BMERB1: variants seen among roughly 807,000 people sequenced by gnomAD.
BMERB1 encodes the protein bMERB domain-containing protein 1.
A neutral mutation model predicts 23.6 loss-of-function variants in BMERB1; 12 were observed. The ratio of observed to expected loss-of-function variants is 0.51; its 90% CI spans 0.33 to 0.82. The LOEUF (loss-of-function observed/expected upper bound fraction) is 0.82. Among genes scored for constraint, BMERB1 ranks in the 40% least tolerant of loss-of-function variants. The pLI is 0.03. For synonymous variants in BMERB1, 122 were observed against 96.6 expected (o/e 1.26, Z -1.54); for missense variants, 247 against 255.4 (o/e 0.97, Z 0.22).
chr16:15,583,050 C>T, intron 4 of BMERB1, 106 bp from the exon 5 acceptor site: 1 of 831,754 alleles, frequency 1.2e-6, no homozygotes, highest in South Asian at 1.4e-5. Context: ...ATACATGCCC[C>T]ATCCACAAAG....
At chr16:15,550,525 A>C (rs1315480514) in intron 2 of BMERB1, among the ~76,000 whole-genome samples, 7 of 146,072 alleles carry the variant, frequency 4.8e-5, no homozygotes, top group Non-Finnish European at 9.0e-5. Flanking sequence ...TTAAGTAGAG[A>C]CGGGGTTTCA....
intron 1 of BMERB1, among the ~76,000 whole-genome samples, chr16:15,512,637 G>T (rs1884265367): frequency 1.3e-5 from 2 of 152,144 alleles, no homozygotes; most frequent in Non-Finnish European, 2.9e-5. Context: ...CCAGCATTAT[G>T]GGAGGCCAAG....
chr16:15,449,529 A>AT (rs957446775), intron 1 of BMERB1, among the ~76,000 whole-genome samples: 2 of 151,488 alleles, frequency 1.3e-5, no homozygotes, highest in Non-Finnish European at 2.9e-5. Flanking sequence ...TAAAAGTTGA[A>AT]TTTTTTTTCT....
chr16:15,546,201 T>A (rs1314818529), intron 2 of BMERB1, among the ~76,000 whole-genome samples: 1 of 152,186 alleles, frequency 6.6e-6, no homozygotes, highest in African/African-American at 2.4e-5. Context: ...GGCAGGAGGA[T>A]GTCTTGAGCC....
At chr16:15,529,440 AG>A (rs2150958770) in intron 2 of BMERB1, among the ~76,000 whole-genome samples, 1 of 152,266 alleles carries the variant, frequency 6.6e-6, no homozygotes, top group African/African-American at 2.4e-5. Context: ...GCATTTCTGG[AG>A]GGACACCTTC....
intron 1 of BMERB1, among the ~76,000 whole-genome samples, chr16:15,452,906 A>G (rs2051054232): frequency 6.6e-6 from 1 of 152,206 alleles, no homozygotes; most frequent in Non-Finnish European, 1.5e-5. Flanking sequence ...AAGACATTGG[A>G]GGTGCTATCA....
At chr16:15,498,852 G>T (rs1447356790) in intron 1 of BMERB1, among the ~76,000 whole-genome samples, 1 of 152,190 alleles carries the variant, frequency 6.6e-6, no homozygotes, top group African/African-American at 2.4e-5. Context: ...AGTGGGCAGA[G>T]GCCAGGGATG....
At chr16:15,533,730 G>C (rs549194142) in intron 2 of BMERB1, among the ~76,000 whole-genome samples, 1 of 152,158 alleles carries the variant, frequency 6.6e-6, no homozygotes, top group African/African-American at 2.4e-5. Context: ...AAAGAGGACA[G>C]AGCGTCTGCC....
intron 2 of BMERB1, among the ~76,000 whole-genome samples, chr16:15,559,368 A>C (rs2150969101): frequency 6.6e-6 from 1 of 152,244 alleles, no homozygotes; most frequent in East Asian, 1.9e-4. Flanking sequence ...GAAGGTCTAC[A>C]ACCAGTCATG....
At chr16:15,577,651 G>T (rs914930684) in intron 3 of BMERB1, among the ~76,000 whole-genome samples, 10 of 132,386 alleles carry the variant, frequency 7.6e-5, no homozygotes, top group Non-Finnish European at 1.2e-4. Context: ...ATGTTCCGGG[G>T]TTTTATATGT....
intron 1 of BMERB1, among the ~76,000 whole-genome samples, chr16:15,462,276 T>G (rs1469935465): frequency 6.7e-6 from 1 of 150,060 alleles, no homozygotes; most frequent in African/African-American, 2.4e-5. Context: ...CTCAGCCCCC[T>G]GAGAAGCTGG....
chr16:15,465,779 C>G (rs1452561109), intron 1 of BMERB1, among the ~76,000 whole-genome samples: 1 of 152,178 alleles, frequency 6.6e-6, no homozygotes, highest in East Asian at 1.9e-4. Flanking sequence ...ATGTATTTAT[C>G]TTTTCCACAT....
chr16:15,444,920 A>G (rs1028951660), intron 1 of BMERB1, among the ~76,000 whole-genome samples: 1 of 152,338 alleles, frequency 6.6e-6, no homozygotes, highest in African/African-American at 2.4e-5. Context: ...TTTTTGAGAC[A>G]GGGTCTTGCT....
intron 1 of BMERB1, chr16:15,502,517 TC>T: frequency 1.4e-6 from 1 of 732,270 alleles, no homozygotes; most frequent in East Asian, 2.7e-5. Context: ...ACGGGCGGCT[TC>T]CCATTACATT....
At chr16:15,516,688 A>G (rs2051763827) in intron 2 of BMERB1, among the ~76,000 whole-genome samples, 1 of 143,818 alleles carries the variant, frequency 7.0e-6, no homozygotes, top group South Asian at 2.1e-4. Context: ...ATTTTTCACA[A>G]CACCAAGAGG....
intron 1 of BMERB1, among the ~76,000 whole-genome samples, chr16:15,459,342 T>TAA (rs77131287): frequency 7.9e-5 from 11 of 138,610 alleles, no homozygotes; most frequent in African/African-American, 2.1e-4. Context: ...CAGACTGGAT[T>TAA]AAAAAAAAAA....
intron 1 of BMERB1, among the ~76,000 whole-genome samples, chr16:15,506,482 C>G (rs995355823): frequency 1.3e-5 from 2 of 152,066 alleles, no homozygotes; most frequent in Non-Finnish European, 2.9e-5. Flanking sequence ...CCCTCCTAAT[C>G]TTAAAATTTT....
At chr16:15,440,244 C>CAAAAAAAAAAAAA (rs57412464) in intron 1 of BMERB1, among the ~76,000 whole-genome samples, 1 of 64,668 alleles carries the variant, frequency 1.5e-5, no homozygotes, top group African/African-American at 6.4e-5. Flanking sequence ...GACTTAATCT[C>CAAAAAAAAAAAAA]AAAAAAAAAA....
intron 2 of BMERB1, among the ~76,000 whole-genome samples, chr16:15,531,955 C>T (rs1472023332): frequency 6.6e-6 from 1 of 152,192 alleles, no homozygotes; most frequent in Non-Finnish European, 1.5e-5. Flanking sequence ...CTGCAAGTGA[C>T]TTAGCAGAGC....
Sources: allele counts gnomAD v4.1 joint callset (sites outside exome capture counted in the v4.1 genomes callset), GRCh38; gene constraint gnomAD v4.1.1; transcripts MANE v1.5; gene names NCBI Gene and HGNC (gene_info 2026-07-23, HGNC 2026-07-21).